Variants in TRAPPC9 observed in about 807,000 individuals in gnomAD.
TRAPPC9 encodes the protein IKK2 binding protein.
In TRAPPC9, 83 loss-of-function variants were observed where a neutral mutation model predicts 124.0. That is an observed-to-expected ratio of 0.67 (90% CI 0.56 to 0.80). TRAPPC9 has a LOEUF of 0.80. Among genes scored for constraint, TRAPPC9 ranks in the 30% least tolerant of loss-of-function variants. TRAPPC9 has a pLI of 0.00. For synonymous variants in TRAPPC9, 638 were observed against 617.5 expected (o/e 1.03, Z -0.49); for missense variants, 1,302 against 1,508.3 (o/e 0.86, Z 2.27).
chr8:140,384,786 C>T (rs1438589631), intron 7 of TRAPPC9, among the ~76,000 whole-genome samples: 1 of 152,112 alleles, frequency 6.6e-6, no homozygotes, highest in Non-Finnish European at 1.5e-5. Flanking sequence ...CAAGGATAAC[C>T]AGGAATTGAA....
intron 16 of TRAPPC9, among the ~76,000 whole-genome samples, chr8:140,242,804 G>A (rs963011616): frequency 9.2e-5 from 14 of 152,222 alleles, no homozygotes; most frequent in Admixed American, 4.6e-4. Context: ...GGCACGGCAC[G>A]GGCCAGGGGA....
intron 5 of TRAPPC9, among the ~76,000 whole-genome samples, chr8:140,414,968 G>C (rs537094864): frequency 1.3e-5 from 2 of 152,148 alleles, no homozygotes; most frequent in South Asian, 4.2e-4. Context: ...TTGAACTCCT[G>C]ACCTCAAATG....
intron 21 of TRAPPC9, among the ~76,000 whole-genome samples, chr8:139,883,487 G>A (rs978628893): frequency 5.3e-5 from 8 of 152,228 alleles, no homozygotes; most frequent in Non-Finnish European, 1.0e-4. Flanking sequence ...AGGCACCTCT[G>A]CCCACACAGG....
At chr8:140,007,759 A>C (rs1244820639) in intron 18 of TRAPPC9, among the ~76,000 whole-genome samples, 2 of 152,198 alleles carry the variant, frequency 1.3e-5, no homozygotes, top group Non-Finnish European at 2.9e-5. Flanking sequence ...AAAATCTTTA[A>C]ATCTGTTATT....
At chr8:140,340,952 T>C (rs1256416595) in intron 9 of TRAPPC9, among the ~76,000 whole-genome samples, 1 of 152,212 alleles carries the variant, frequency 6.6e-6, no homozygotes, top group African/African-American at 2.4e-5. Flanking sequence ...AGGTTCTCAA[T>C]TGAGAACAGG....
intron 21 of TRAPPC9, among the ~76,000 whole-genome samples, chr8:139,787,036 CAGTA>C (rs1822303972): frequency 6.6e-6 from 1 of 152,090 alleles, no homozygotes; most frequent in Non-Finnish European, 1.5e-5. Context: ...TATTGTGTGT[CAGTA>C]AGACTACAAC....
chr8:140,441,636 G>A (rs1283208783), intron 2 of TRAPPC9, among the ~76,000 whole-genome samples: 1 of 151,470 alleles, frequency 6.6e-6, no homozygotes, highest in Non-Finnish European at 1.5e-5. Context: ...CTGGGCAACA[G>A]AGCAAGACCA....
chr8:140,223,349 T>TGCTC (rs1342573373), intron 16 of TRAPPC9, among the ~76,000 whole-genome samples: 14 of 152,218 alleles, frequency 9.2e-5, no homozygotes, highest in African/African-American at 2.9e-4. Flanking sequence ...ATAAACAACC[T>TGCTC]GCTCGCAGTC....
chr8:140,170,997 C>T (rs1789015890), intron 17 of TRAPPC9, among the ~76,000 whole-genome samples: 1 of 152,230 alleles, frequency 6.6e-6, no homozygotes. Flanking sequence ...ACCAGCCTGA[C>T]ACCTGGCCAG....
chr8:140,329,707 C>CCCA (rs2066845501), intron 9 of TRAPPC9, among the ~76,000 whole-genome samples: 1 of 152,106 alleles, frequency 6.6e-6, no homozygotes, highest in Non-Finnish European at 1.5e-5. Flanking sequence ...CATTTTTGTG[C>CCCA]TCATTTCGGA....
intron 17 of TRAPPC9, among the ~76,000 whole-genome samples, chr8:140,056,198 C>T (rs1842279893): frequency 1.3e-5 from 2 of 151,786 alleles, no homozygotes; most frequent in Admixed American, 6.6e-5. Flanking sequence ...CACTTGAGCC[C>T]AGGAGTTTGA....
chr8:140,017,022 G>A (rs890389885), intron 18 of TRAPPC9, among the ~76,000 whole-genome samples: 5 of 152,146 alleles, frequency 3.3e-5, no homozygotes, highest in South Asian at 4.1e-4. Flanking sequence ...GTTTTAATTC[G>A]CATTTCTCTA....
At chr8:139,800,007 T>G (rs1434628754) in intron 21 of TRAPPC9, among the ~76,000 whole-genome samples, 3 of 152,164 alleles carry the variant, frequency 2.0e-5, no homozygotes, top group Non-Finnish European at 4.4e-5. Flanking sequence ...CAGGACTAGC[T>G]CCAGAGGCAG....
intron 21 of TRAPPC9, among the ~76,000 whole-genome samples, chr8:139,798,382 G>C (rs915276854): frequency 2.0e-5 from 3 of 152,186 alleles, no homozygotes; most frequent in Admixed American, 2.0e-4. Flanking sequence ...TTTAAACAGA[G>C]CTGTGATTTA....
At chr8:139,901,049 A>C (rs1830990693) in intron 20 of TRAPPC9, among the ~76,000 whole-genome samples, 1 of 152,152 alleles carries the variant, frequency 6.6e-6, no homozygotes, top group Non-Finnish European at 1.5e-5. Context: ...TGCTATGCTC[A>C]GAACATCTGG....
chr8:139,937,922 T>A (rs1833639669), intron 19 of TRAPPC9, among the ~76,000 whole-genome samples: 3 of 152,110 alleles, frequency 2.0e-5, no homozygotes, highest in Admixed American at 1.3e-4. Context: ...GTGAAATGCA[T>A]TACCAGATGC....
intron 21 of TRAPPC9, among the ~76,000 whole-genome samples, chr8:139,860,530 G>C (rs1828061801): frequency 6.6e-6 from 1 of 152,176 alleles, no homozygotes; most frequent in Non-Finnish European, 1.5e-5. Context: ...AGCTCAAAGA[G>C]GCTCTGACAG....
chr8:140,451,191 G>A lies in TRAPPC9; in HGVS notation c.183C>T (p.Tyr61=), dbSNP rs751929745. 6.2e-7 allele frequency: 1 copy of A among 1,614,146 alleles called. No individual in the cohort carries two copies. Among genetic ancestry groups the A allele is most frequent in the African/African-American group, 1.3e-5 (1 of 75,042 alleles). Residue 61 remains tyrosine (Y), a synonymous_variant, in exon 2 of 23, where the codon TAC becomes TAT. Coordinates refer to ENST00000438773, the MANE Select transcript of TRAPPC9 (RefSeq NM_001160372.4). ...RVLYIRYRHH[Y]PPENNEWGDF... is the part of the protein sequence containing the mutation. The stretch of plus-strand genomic sequence containing the variant: ...CACCCCACTCGTTGTTCTCGGGTGG[G>A]TAGTGGTGCCTGTAGCGGATGTAGA...
chr8:140,278,148 G>A (rs2065185541), intron 14 of TRAPPC9, among the ~76,000 whole-genome samples: 1 of 151,682 alleles, frequency 6.6e-6, no homozygotes, highest in African/African-American at 2.4e-5. Context: ...CTGTCGCTCA[G>A]GCTGGAGAGC....
Sources: allele counts gnomAD v4.1 joint callset (sites outside exome capture counted in the v4.1 genomes callset), GRCh38; gene constraint gnomAD v4.1.1; transcripts MANE v1.5; gene names NCBI Gene and HGNC (gene_info 2026-07-23, HGNC 2026-07-21).